The following ERC2 variants were observed in gnomAD, a reference collection of about 807,000 sequenced individuals.
The protein encoded by ERC2 is ELKS/RAB6-interacting/CAST family member 2.
In ERC2, 42 loss-of-function variants were observed where a neutral mutation model predicts 114.8. The ratio of observed to expected loss-of-function variants is 0.37; its 90% CI spans 0.29 to 0.47. The LOEUF is 0.47. ERC2 is among the 20% of genes least tolerant of loss of function. The pLI is 0.99. For synonymous variants in ERC2, 454 were observed against 425.5 expected (o/e 1.07, Z -0.82); for missense variants, 939 against 1,150.7 (o/e 0.82, Z 2.66).
At chr3:55,981,053 T>C (rs374047575) in intron 12 of ERC2, among the ~76,000 whole-genome samples, 3 of 152,316 alleles carry the variant, frequency 2.0e-5, no homozygotes, top group African/African-American at 7.2e-5. Context: ...AGCAAAACAT[T>C]AGTCATGGCA....
At chr3:55,628,299 T>TGTGGCTGTTGA in intron 17 of ERC2, among the ~76,000 whole-genome samples, 1 of 152,244 alleles carries the variant, frequency 6.6e-6, no homozygotes. Context: ...ACTAGCTCAG[T>TGTGGCTGTTGA]GTGGCTGTTG....
intron 7 of ERC2, among the ~76,000 whole-genome samples, chr3:56,066,472 G>A (rs1236964854): frequency 6.6e-6 from 1 of 151,934 alleles, no homozygotes; most frequent in African/African-American, 2.4e-5. Flanking sequence ...TAAAAGGGGT[G>A]GATTGCAAAA....
intron 13 of ERC2, among the ~76,000 whole-genome samples, chr3:55,939,876 C>T (rs1034947695): frequency 6.6e-6 from 1 of 152,194 alleles, no homozygotes; most frequent in African/African-American, 2.4e-5. Flanking sequence ...TGTCAGAGTT[C>T]TAATCCATCT....
intron 5 of ERC2, 98 bp from the exon 6 acceptor site, chr3:56,139,774 A>G: frequency 7.5e-7 from 1 of 1,326,796 alleles, no homozygotes; most frequent in Non-Finnish European, 1.0e-6. Flanking sequence ...GCAGCCAGTG[A>G]TCAATAATCC....
chr3:56,382,607 C>G (rs1283679467), intron 2 of ERC2, among the ~76,000 whole-genome samples: 11 of 152,242 alleles, frequency 7.2e-5, no homozygotes, highest in African/African-American at 2.6e-4. Flanking sequence ...TGTTGAAACA[C>G]TTTTCTTCAT....
intron 17 of ERC2, among the ~76,000 whole-genome samples, chr3:55,554,281 A>G (rs1001915749): frequency 6.6e-6 from 1 of 152,148 alleles, no homozygotes; most frequent in Admixed American, 6.5e-5. Flanking sequence ...GCTTTTTCAT[A>G]AACTTCTTTG....
chr3:56,430,924 G>C (rs905638225), intron 2 of ERC2, among the ~76,000 whole-genome samples: 10 of 152,160 alleles, frequency 6.6e-5, no homozygotes, highest in Non-Finnish European at 1.5e-5. Context: ...TAAGGAGGTA[G>C]TGATCATAAA....
intron 3 of ERC2, among the ~76,000 whole-genome samples, chr3:56,247,029 G>A (rs2051757804): frequency 6.6e-6 from 1 of 152,218 alleles, no homozygotes; most frequent in African/African-American, 2.4e-5. Context: ...AGCAGTCACT[G>A]CCTTGGGTAT....
At chr3:56,303,071 C>G (rs943196272) in intron 2 of ERC2, among the ~76,000 whole-genome samples, 1 of 152,188 alleles carries the variant, frequency 6.6e-6, no homozygotes, top group South Asian at 2.1e-4. Context: ...GGATCATTCT[C>G]CAGTTGTCTG....
intron 6 of ERC2, among the ~76,000 whole-genome samples, chr3:56,111,679 C>A (rs2078972343): frequency 6.6e-6 from 1 of 152,186 alleles, no homozygotes; most frequent in South Asian, 2.1e-4. Context: ...GAAATTCATT[C>A]ATAGGATTTC....
intron 1 of ERC2, among the ~76,000 whole-genome samples, chr3:56,447,343 T>G (rs1374251333): frequency 6.6e-6 from 1 of 152,212 alleles, no homozygotes; most frequent in Non-Finnish European, 1.5e-5. Context: ...GACAGATTGA[T>G]TTCCAGATTT....
In ERC2 at chr3:56,135,465, G is replaced by A. The variant is rs138380776; in HGVS notation, c.1473+4044C>T. ...GATGACAAGTGAAGTAGAGTATTCA[G>A]GTGTGACCTGCCCAAACATCCCTGA... On this transcript the variant is annotated intron_variant, in intron 6 of 17. Coordinates refer to ENST00000288221, the MANE Select transcript of ERC2 (RefSeq NM_015576.3). Among the ~76,000 whole-genome samples the A allele has an allele frequency of 2.0e-4, 31 of 152,252 alleles. No homozygotes were observed. In the East Asian group the frequency reaches 5.8e-3, roughly 28 times the overall value.
intron 6 of ERC2, among the ~76,000 whole-genome samples, chr3:56,136,647 C>G (rs916314559): frequency 3.3e-5 from 5 of 152,062 alleles, no homozygotes; most frequent in African/African-American, 1.2e-4. Flanking sequence ...CTCTGCTATC[C>G]CAAAGAGTGG....
intron 10 of ERC2, chr3:56,003,058 G>C (rs1316722689): frequency 1.6e-6 from 2 of 1,273,950 alleles, no homozygotes; most frequent in Non-Finnish European, 1.0e-6. Flanking sequence ...GGATCCTCAT[G>C]CTTTGATATG....
chr3:56,148,364 C>A (rs2081252943), intron 5 of ERC2, among the ~76,000 whole-genome samples: 2 of 152,146 alleles, frequency 1.3e-5, no homozygotes, highest in South Asian at 4.1e-4. Context: ...TGGCTCACTG[C>A]AACCTCTACC....
intron 17 of ERC2, among the ~76,000 whole-genome samples, chr3:55,673,000 T>C (rs2061627656): frequency 6.6e-6 from 1 of 152,180 alleles, no homozygotes; most frequent in Non-Finnish European, 1.5e-5. Context: ...GCTGGCACCC[T>C]CACACATCGT....
chr3:55,729,748 G>A (rs1426335540), intron 15 of ERC2, among the ~76,000 whole-genome samples: 1 of 145,076 alleles, frequency 6.9e-6, no homozygotes, highest in African/African-American at 2.5e-5. Flanking sequence ...TGAGGTGGGA[G>A]TATCGCTAGA....
chr3:56,065,868 G>A (rs1397326568), intron 7 of ERC2, among the ~76,000 whole-genome samples: 2 of 152,074 alleles, frequency 1.3e-5, no homozygotes, highest in African/African-American at 4.8e-5. Context: ...TCCCTGCAAA[G>A]GACATGATTT....
At chr3:56,028,364 C>T (rs1172288615) in intron 7 of ERC2, among the ~76,000 whole-genome samples, 1 of 152,064 alleles carries the variant, frequency 6.6e-6, no homozygotes, top group East Asian at 1.9e-4. Flanking sequence ...ATAGGAATCT[C>T]ATTAAATCTA....
Sources: allele counts gnomAD v4.1 joint callset (sites outside exome capture counted in the v4.1 genomes callset), GRCh38; gene constraint gnomAD v4.1.1; transcripts MANE v1.5; gene names NCBI Gene and HGNC (gene_info 2026-07-23, HGNC 2026-07-21).